AMN1: variants seen among roughly 807,000 people sequenced by gnomAD.
The protein encoded by AMN1 is protein AMN1 homolog.
A neutral mutation model predicts 33.0 loss-of-function variants in AMN1; 20 were observed. The ratio of observed to expected loss-of-function variants is 0.61; its 90% CI spans 0.43 to 0.88. AMN1 has a LOEUF of 0.88. Among genes scored for constraint, AMN1 ranks in the 40% least tolerant of loss-of-function variants. The pLI, the probability that AMN1 is intolerant of heterozygous loss-of-function variation, is 0.00. For synonymous variants in AMN1, 114 were observed against 111.9 expected (o/e 1.02, Z -0.12); for missense variants, 246 against 307.4 (o/e 0.80, Z 1.49).
At chr12:31,699,957 G>A (rs1459594610) in intron 3 of AMN1, among the ~76,000 whole-genome samples, 1 of 152,220 alleles carries the variant, frequency 6.6e-6, no homozygotes, top group Non-Finnish European at 1.5e-5. Context: ...TGTGGTGTGA[G>A]TGTAGAGAAA....
rs142025821 is a variant in AMN1 at position 31,683,668 on chromosome 12, C to T, written c.703+5339G>A. ...CTCTCTTGCCTGCCACCCTGTAAGA[C>T]GTGCCTTTCGCCTTCAGCCATGATT... On this transcript the variant is annotated intron_variant, in intron 6 of 6. Transcript: ENST00000281471. This position sits in a 1 kb window ranked among gnomAD's most constrained non-coding sequence, Gnocchi z 4.1. Among the ~76,000 whole-genome samples the T allele has an allele frequency of 0.011, 1,600 of 152,326 alleles. 99 individuals are homozygous for T. Among genetic ancestry groups the T allele is most frequent in the Admixed American group, 0.093 (1,426 of 15,288 alleles).
intron 6 of AMN1, among the ~76,000 whole-genome samples, chr12:31,676,965 A>G (rs572565064): frequency 6.6e-6 from 1 of 151,866 alleles, no homozygotes; most frequent in East Asian, 1.9e-4. Context: ...TGGGGTCGCT[A>G]AGTATTTCAT....
chr12:31,713,601 G>A (rs1018417090), intron 1 of AMN1, among the ~76,000 whole-genome samples: 1 of 152,186 alleles, frequency 6.6e-6, no homozygotes, highest in Non-Finnish European at 1.5e-5. Context: ...AGCACTTTGG[G>A]AGACTGAGAC....
chr12:31,706,698 T>C (rs1048529309), intron 2 of AMN1, among the ~76,000 whole-genome samples: 2 of 152,206 alleles, frequency 1.3e-5, no homozygotes, highest in African/African-American at 4.8e-5. Flanking sequence ...TGATTAACCA[T>C]CTTTTTCTAG....
chr12:31,708,868 C>T (rs1939353166), intron 2 of AMN1: 1 of 285,332 alleles, frequency 3.5e-6, no homozygotes, highest in Non-Finnish European at 7.0e-6. Flanking sequence ...AAAACAAACC[C>T]TTATACTTTA....
intron 3 of AMN1, among the ~76,000 whole-genome samples, chr12:31,701,517 C>A (rs1369858324): frequency 6.6e-6 from 1 of 152,020 alleles, no homozygotes; most frequent in Non-Finnish European, 1.5e-5. Context: ...ATCATGCTGG[C>A]CAGGCTGGCA....
At chr12:31,689,222 A>G (rs1938399382) in intron 5 of AMN1, 104 bp from the exon 6 acceptor site, 2 of 765,294 alleles carry the variant, frequency 2.6e-6, no homozygotes, top group Non-Finnish European at 4.2e-6. Flanking sequence ...CCAGATATCT[A>G]CTTGCAAAAA....
intron 3 of AMN1, among the ~76,000 whole-genome samples, chr12:31,700,668 T>G (rs557078774): frequency 8.1e-5 from 12 of 147,720 alleles, no homozygotes; most frequent in Admixed American, 2.7e-4. Flanking sequence ...CCATGTTTTG[T>G]TTTTTTTTTA....
intron 1 of AMN1, among the ~76,000 whole-genome samples, chr12:31,716,111 T>C (rs942503388): frequency 1.3e-5 from 2 of 152,226 alleles, no homozygotes; most frequent in African/African-American, 4.8e-5. Flanking sequence ...TCCATCATTT[T>C]TCCATGGTTT....
At chr12:31,720,050 G>A (rs1021475099) in intron 1 of AMN1, among the ~76,000 whole-genome samples, 20 of 151,924 alleles carry the variant, frequency 1.3e-4, no homozygotes, top group African/African-American at 4.6e-4. Flanking sequence ...TTTCCATTCC[G>A]TTGTCATTTG....
At chr12:31,682,917 C>T (rs1239610206) in intron 6 of AMN1, among the ~76,000 whole-genome samples, 3 of 151,786 alleles carry the variant, frequency 2.0e-5, no homozygotes, top group Non-Finnish European at 2.9e-5. Context: ...CTACTTCTGG[C>T]AGCCACACAA....
intron 1 of AMN1, 132 bp from the exon 2 acceptor site, chr12:31,709,557 G>T: frequency 8.9e-7 from 1 of 1,117,972 alleles, no homozygotes; most frequent in Non-Finnish European, 1.2e-6. Flanking sequence ...GGTGGCTCAC[G>T]CCTGTAATCC....
In AMN1 at chr12:31,707,277, C is replaced by T. The variant is rs772595947; in HGVS notation, c.171+2016G>A. Reference sequence around the variant, plus strand: ...TTTGTGTACTACAGTCACAATGTAACGTATATTTCTTATTGTGAGTCTTGA... The same window carrying T: ...TTTGTGTACTACAGTCACAATGTAATGTATATTTCTTATTGTGAGTCTTGA... On this transcript the variant is annotated intron_variant, in intron 2 of 6. Coordinates refer to ENST00000281471, the MANE Select transcript of AMN1 (RefSeq NM_001113402.2). Among the ~76,000 whole-genome samples, 23 of 152,070 alleles carry T rather than the reference C, an allele frequency of 1.5e-4. 1 individual carries two copies. The highest frequency in any genetic ancestry group is 1.3e-3 in the Admixed American group (20 of 15,254).
At chr12:31,716,224 G>A (rs532164381) in intron 1 of AMN1, among the ~76,000 whole-genome samples, 33 of 152,124 alleles carry the variant, frequency 2.2e-4, no homozygotes, top group African/African-American at 6.7e-4. Context: ...TTTCACTAAC[G>A]TATAATATTC....
In AMN1 at chr12:31,671,444, T is replaced by C. The variant is rs927269180; in HGVS notation, c.*860A>G. 11 of 152,038 alleles carry C rather than the reference T, an allele frequency of 7.2e-5. No homozygotes were observed. The highest frequency in any genetic ancestry group is 1.9e-4 in the African/African-American group (8 of 41,318). 9.4% of individuals were successfully genotyped at this position (152,038 alleles called of 1,614,324 possible). A position where few individuals can be genotyped will look rare whatever the true frequency, so the allele number is the denominator to read the frequency against. On this transcript the variant is annotated 3_prime_UTR_variant, in exon 7 of 7. Coordinates refer to ENST00000281471, the MANE Select transcript of AMN1 (RefSeq NM_001113402.2). The stretch of plus-strand genomic sequence containing the variant: ...AGACTGGCTCATGGCAAAATGAATA[T>C]GCTAAATTTGGGGGTTGGTTTAAGC...
At chr12:31,709,603 G>T (rs1276822199) in intron 1 of AMN1, among the ~76,000 whole-genome samples, 178 bp from the exon 2 acceptor site, 1 of 152,138 alleles carries the variant, frequency 6.6e-6, no homozygotes, top group East Asian at 1.9e-4. Flanking sequence ...AGGATGGCTT[G>T]AGCTCAGGAG....
chr12:31,673,119 GTTAGT>G (rs1951316659), intron 6 of AMN1: 1 of 151,912 alleles, frequency 6.6e-6, no homozygotes, highest in Middle Eastern at 3.2e-3. Flanking sequence ...ATAAAATTTT[GTTAGT>G]TTAAATATTA....
intron 6 of AMN1, among the ~76,000 whole-genome samples, chr12:31,686,694 T>C (rs1404844904): frequency 6.6e-6 from 1 of 152,214 alleles, no homozygotes; most frequent in African/African-American, 2.4e-5. Context: ...GACTGTCTCA[T>C]GTAATCTATT....
At chr12:31,684,145 A>C (rs747530354) in intron 6 of AMN1, among the ~76,000 whole-genome samples, 1 of 152,208 alleles carries the variant, frequency 6.6e-6, no homozygotes, top group Non-Finnish European at 1.5e-5. Flanking sequence ...GTAAAGATCA[A>C]CTCAAAATTC....
Sources: gnomAD v4.1 joint callset for allele counts (sites outside exome capture counted in the v4.1 genomes callset) on GRCh38, gnomAD v4.1.1 for gene constraint, Gnocchi (gnomAD v3.1) non-coding constraint, MANE v1.5 for transcripts, NCBI Gene and HGNC (gene_info 2026-07-23, HGNC 2026-07-21) for gene names.